The following SSC4D variants were observed in gnomAD, a reference collection of about 807,000 sequenced individuals.
SSC4D encodes the protein scavenger receptor cysteine rich family member with 4 domains, also known as scavenger receptor cysteine-rich domain-containing group B protein.
SSC4D carries 57 observed loss-of-function variants against 63.4 expected under a neutral mutation model. The ratio of observed to expected loss-of-function variants is 0.90; its 90% CI spans 0.73 to 1.12. The LOEUF (loss-of-function observed/expected upper bound fraction) is 1.12. SSC4D is among the 50% of genes most tolerant of loss of function. The probability of loss-of-function intolerance (pLI) is 0.00; values close to 1 mark genes in which losing one functional copy is unlikely to be tolerated. For synonymous variants in SSC4D, 352 were observed against 345.4 expected, an observed-to-expected ratio of 1.02 and a Z score of -0.21; for missense variants, 791 against 806.4, an observed-to-expected ratio of 0.98 and a Z score of 0.23.
Position 76,397,695 on chromosome 7 carries a change from C to G in SSC4D, c.691G>C (p.Gly231Arg), listed in dbSNP as rs761923569. 3.7e-6 allele frequency: 6 copies of G among 1,613,394 alleles called. No individual in the cohort carries two copies. In the Admixed American group the frequency reaches 6.7e-5, roughly 18 times the overall value. Residue 231 changes from glycine (G) to arginine (R), a missense_variant, in exon 6 of 11, where the codon GGC becomes CGC. Gly to Arg is a moderately radical substitution (Grantham distance 125). Transcript: ENST00000275560. ...PDAAVVCRQL[G>R]CGAAMAATTN... Reference sequence around the variant, plus strand: ...GTGGCGGCCATGGCCGCCCCGCAGCCCAGCTGACGACAGACCACAGCGGCA... The same window carrying G: ...GTGGCGGCCATGGCCGCCCCGCAGCGCAGCTGACGACAGACCACAGCGGCA...
At chr7:76,393,286 T>G in intron 9 of SSC4D, 119 bp downstream of exon 9, 1 of 1,084,930 alleles carries the variant, frequency 9.2e-7, no homozygotes, top group Non-Finnish European at 1.2e-6. Context: ...CTCTGCGGAG[T>G]GCGCATGCTC....
intron 10 of SSC4D, 111 bp from the exon 11 acceptor site, chr7:76,390,486 G>C: frequency 1.0e-6 from 1 of 987,210 alleles, no homozygotes. Context: ...CACTGCCCTA[G>C]GAGCCGCTAG....
At chr7:76,393,107 C>G (rs1435886962) in intron 9 of SSC4D, among the ~76,000 whole-genome samples, 1 of 152,210 alleles carries the variant, frequency 6.6e-6, no homozygotes, top group Non-Finnish European at 1.5e-5. Flanking sequence ...GACTTGATGC[C>G]TTTCTCGAAC....
intron 10 of SSC4D, 39 bp downstream of exon 10, chr7:76,391,925 G>A (rs1406554913): frequency 3.2e-6 from 5 of 1,559,876 alleles, no homozygotes; most frequent in Admixed American, 1.9e-5. Flanking sequence ...TTAAGACCCC[G>A]ATGCCTCCAC....
chr7:76,400,429 A>G lies in SSC4D; in HGVS notation c.332T>C (p.Leu111Pro), dbSNP rs775131403. The part of the protein sequence containing the change: ...CGLALPVPRP[L>P]AFGQGRGPIL... ...GGGGCCTCGGCCTTGGCCAAAGGCAAGGGGCCGTGGCACGGGCAGTGCCAG... is the reference window on the plus strand; with the variant it reads ...GGGGCCTCGGCCTTGGCCAAAGGCAGGGGGCCGTGGCACGGGCAGTGCCAG... Residue 111 changes from leucine to proline, a missense_variant, in exon 4 of 11, where the codon CTT becomes CCT. Leu to Pro is a moderately conservative substitution (Grantham distance 98). Transcript: ENST00000275560. 1.2e-6 allele frequency: 2 copies of G among 1,606,176 alleles called. No homozygotes were observed. Among genetic ancestry groups the G allele is most frequent in the Middle Eastern group, 1.7e-4 (1 of 6,032 alleles).
chr7:76,397,611 C>T lies in SSC4D; in HGVS notation c.775G>A (p.Glu259Lys), dbSNP rs1231270858. The change falls in exon 6 of 11, where the codon GAA becomes AAA. Residue 259 changes from glutamate (E) to lysine (K), a missense_variant. Glu to Lys is a moderately conservative substitution (Grantham distance 56, BLOSUM62 1). Coordinates refer to ENST00000275560, the MANE Select transcript of SSC4D (RefSeq NM_080744.2). ...GCTGCCAGGCGGGGCTCGCCGCCTT[C>T]GCAGTGCACGTTGTCCAGCAGGATG... ...GHILLDNVHC[E>K]GGEPRLAACQ... 2.5e-6 allele frequency: 4 copies of T among 1,611,684 alleles called. No individual in the cohort carries two copies. Among genetic ancestry groups the T allele is most frequent in the South Asian group, 1.1e-5 (1 of 90,898 alleles).
intron 2 of SSC4D, among the ~76,000 whole-genome samples, chr7:76,402,756 C>G (rs956758251): frequency 6.6e-6 from 1 of 151,960 alleles, no homozygotes; most frequent in Admixed American, 6.6e-5. Flanking sequence ...CGCAACCTCC[C>G]CCTCCTGGGT....
Position 76,395,343 on chromosome 7 carries a change from A to G in SSC4D, c.869-13T>C. On this transcript the variant is annotated splice_polypyrimidine_tract_variant and intron_variant, in intron 6 of 10. Transcript: ENST00000275560. ...GGGGGACCCAGGCCTAGGGCAGGAG[A>G]GAAGGGGGCAGGGTCAGAGGCTGAG... 6.2e-7 allele frequency: 1 copy of G among 1,613,462 alleles called. No individual in the cohort carries two copies. The highest frequency in any genetic ancestry group is 8.5e-7 in the Non-Finnish European group (1 of 1,179,692).
chr7:76,392,052 A>C lies in SSC4D; in HGVS notation c.1334-11T>G, dbSNP rs1194989680. ...CCAGCTCCTCTGGGCCTGGTTCAGG[A>C]AGGACAGAGATAAAGAGGTGGCTCT... On this transcript the variant is annotated splice_polypyrimidine_tract_variant and intron_variant, in intron 9 of 10. Coordinates refer to ENST00000275560, the MANE Select transcript of SSC4D (RefSeq NM_080744.2). 3 of 1,562,156 alleles carry C rather than the reference A, an allele frequency of 1.9e-6. No individual in the cohort carries two copies. The highest frequency in any genetic ancestry group is 2.6e-6 in the Non-Finnish European group (3 of 1,152,694).
intron 10 of SSC4D, among the ~76,000 whole-genome samples, chr7:76,391,491 G>C (rs1427594040): frequency 6.6e-6 from 1 of 152,130 alleles, no homozygotes; most frequent in Non-Finnish European, 1.5e-5. Context: ...CTCAGGACTG[G>C]GAGAAAGCGT....
intron 1 of SSC4D, among the ~76,000 whole-genome samples, chr7:76,406,127 A>G (rs1805021176): frequency 6.6e-6 from 1 of 152,046 alleles, no homozygotes; most frequent in Non-Finnish European, 1.5e-5. Flanking sequence ...CTGGGATTAC[A>G]GGCACCCGCC....
At chr7:76,392,270 C>T (rs780300765) in intron 9 of SSC4D, among the ~76,000 whole-genome samples, 13 of 151,980 alleles carry the variant, frequency 8.6e-5, no homozygotes, top group Non-Finnish European at 1.5e-4. Context: ...AAAGTAAGGC[C>T]GGGCATGGTG....
rs1166675507 is a variant in SSC4D, at chr7:76,389,959, G to A, written c.*100C>T. Reference sequence around the variant, plus strand: ...GCTCTCTCCCAGGCAAGGGAAGGAGGGGCAAAGTGAACTGTAGTCATCACA... The same window carrying A: ...GCTCTCTCCCAGGCAAGGGAAGGAGAGGCAAAGTGAACTGTAGTCATCACA... On this transcript the variant is annotated 3_prime_UTR_variant, in exon 11 of 11. Coordinates refer to ENST00000275560, the MANE Select transcript of SSC4D (RefSeq NM_080744.2). 4.0e-6 allele frequency: 6 copies of A among 1,496,560 alleles called. No individual in the cohort carries two copies. The highest frequency in any genetic ancestry group is 3.7e-5 in the South Asian group (3 of 81,142). The allele number at this position is 1,496,560 out of a possible 1,614,324, so 92.7% of individuals were successfully genotyped here.
intron 9 of SSC4D, 152 bp downstream of exon 9, chr7:76,393,253 G>T (rs1224231467): frequency 2.6e-6 from 2 of 758,258 alleles, no homozygotes; most frequent in African/African-American, 1.8e-5. Flanking sequence ...GCCGCAGAGC[G>T]GGCGCACGGC....
At chr7:76,405,327 C>T (rs926741250) in intron 1 of SSC4D, among the ~76,000 whole-genome samples, 338 of 20,484 alleles carry the variant, frequency 0.017, no homozygotes, top group Middle Eastern at 0.036. Context: ...GTATTTTTTT[C>T]TTTCTTTCTT....
At chr7:76,398,690 C>G in intron 5 of SSC4D, 30 bp downstream of exon 5, 1 of 1,610,262 alleles carries the variant, frequency 6.2e-7, no homozygotes, top group South Asian at 1.1e-5. Flanking sequence ...CTCCCAAAAC[C>G]CAGGTGGTGC....
At chr7:76,398,824 G>C in intron 4 of SSC4D, 27 bp from the exon 5 acceptor site, 1 of 1,608,470 alleles carries the variant, frequency 6.2e-7, no homozygotes, top group Non-Finnish European at 8.5e-7. Context: ...GTGGATACAG[G>C]GGTCTTTCTG....
rs1804676352 is a variant in SSC4D at position 76,397,559 on chromosome 7, T to G, written c.827A>C (p.His276Pro). The G allele has an allele frequency of 1.9e-6, 3 of 1,603,718 alleles. No homozygotes were observed. The highest frequency in any genetic ancestry group is 2.6e-6 in the Non-Finnish European group (3 of 1,175,570). ...AACQSLGWGV[H>P]NCGHHEDAGA... ...CGCGTCCTCGTGGTGGCCGCAGTTG[T>G]GCACACCCCAGCCCAGGCTCTGGCA... Residue 276 changes from histidine to proline, a missense_variant, in exon 6 of 11, where the codon CAC becomes CCC. By Grantham distance (77) the His-to-Pro change is moderately conservative. Coordinates refer to ENST00000275560, the MANE Select transcript of SSC4D (RefSeq NM_080744.2).
chr7:76,398,691 C>T, intron 5 of SSC4D, 29 bp downstream of exon 5: 1 of 1,610,450 alleles, frequency 6.2e-7, no homozygotes, highest in Non-Finnish European at 8.5e-7. Context: ...TCCCAAAACC[C>T]AGGTGGTGCC....
Sources: allele counts gnomAD v4.1 joint callset (sites outside exome capture counted in the v4.1 genomes callset), GRCh38; gene constraint gnomAD v4.1.1; transcripts MANE v1.5; gene names NCBI Gene and HGNC (gene_info 2026-07-23, HGNC 2026-07-21).